The following TERB1 variants were observed in gnomAD, a reference collection of about 807,000 sequenced individuals.
The protein encoded by TERB1 is telomere repeat binding bouquet formation protein 1, also known as telomere repeats-binding bouquet formation protein 1.
TERB1 carries 63 observed loss-of-function variants against 92.3 expected under a neutral mutation model. That is an observed-to-expected ratio of 0.68 (90% CI 0.56 to 0.84). The LOEUF is 0.84. Among genes scored for constraint, TERB1 ranks in the 40% least tolerant of loss-of-function variants. The pLI is 0.00. For missense variants in TERB1, 709 were observed against 843.7 expected, an observed-to-expected ratio of 0.84 and a Z score of 1.98; for synonymous variants, 252 against 283.9, an observed-to-expected ratio of 0.89 and a Z score of 1.13.
At chr16:66,791,604 T>C (rs2018836353) in intron 3 of TERB1, among the ~76,000 whole-genome samples, 1 of 152,006 alleles carries the variant, frequency 6.6e-6, no homozygotes, top group South Asian at 2.1e-4. Context: ...AAGACACAAA[T>C]TACCAATATC....
At chr16:66,780,352 A>C (rs1434016197) in intron 9 of TERB1, among the ~76,000 whole-genome samples, 1 of 151,938 alleles carries the variant, frequency 6.6e-6, no homozygotes, top group African/African-American at 2.4e-5. Flanking sequence ...TTGAATTCAG[A>C]AGTTCAATAT....
intron 13 of TERB1, among the ~76,000 whole-genome samples, chr16:66,770,960 C>G (rs1361526440): frequency 6.6e-6 from 1 of 152,134 alleles, no homozygotes; most frequent in Non-Finnish European, 1.5e-5. Context: ...AAGCAATCCT[C>G]CCACCTCACC....
intron 9 of TERB1, among the ~76,000 whole-genome samples, chr16:66,783,231 A>C (rs2145191197): frequency 6.6e-6 from 1 of 152,318 alleles, no homozygotes; most frequent in South Asian, 2.1e-4. Flanking sequence ...TATTTTGTAG[A>C]GGTCGTTTAT....
chr16:66,795,804 C>A (rs548831352), intron 3 of TERB1, among the ~76,000 whole-genome samples: 1 of 152,188 alleles, frequency 6.6e-6, no homozygotes, highest in South Asian at 2.1e-4. Context: ...CTGTCATCAA[C>A]GCTTAAGTGC....
chr16:66,758,414 C>A, intron 18 of TERB1: 2 of 194,008 alleles, frequency 1.0e-5, no homozygotes, highest in Non-Finnish European at 1.1e-5. Context: ...TGTTCTTTCT[C>A]AGAAATATAT....
intron 9 of TERB1, among the ~76,000 whole-genome samples, chr16:66,784,380 G>A (rs185788216): frequency 6.6e-6 from 1 of 151,712 alleles, no homozygotes; most frequent in East Asian, 1.9e-4. Context: ...TGCTCAAGCT[G>A]GAGTGCAGTG....
In TERB1 at chr16:66,754,918, A is replaced by G; in HGVS notation, c.*58T>C. The G allele has an allele frequency of 1.4e-6, 2 of 1,401,520 alleles. No homozygotes were observed. The highest frequency in any genetic ancestry group is 1.9e-6 in the Non-Finnish European group (2 of 1,034,260). The allele number at this position is 1,401,520 out of a possible 1,614,324, so 86.8% of individuals were successfully genotyped here. On this transcript the variant is annotated 3_prime_UTR_variant, in exon 19 of 19. Coordinates refer to ENST00000433154, the MANE Select transcript of TERB1 (RefSeq NM_001136505.2). ...GAGTTTAGAAAAATACTTTAAATGT[A>G]TCTTTCAAGGCACTGTATTTTAAGA...
chr16:66,789,302 C>CAG (rs1555509450), intron 5 of TERB1, among the ~76,000 whole-genome samples: 1 of 118,324 alleles, frequency 8.5e-6, no homozygotes, highest in African/African-American at 3.7e-5. Context: ...AAAAAAAATT[C>CAG]GGCCGGGCGC....
At chr16:66,762,317 A>C (rs751562245) in intron 16 of TERB1, among the ~76,000 whole-genome samples, 1 of 152,212 alleles carries the variant, frequency 6.6e-6, no homozygotes, top group Non-Finnish European at 1.5e-5. Flanking sequence ...CCTGGAATTT[A>C]CATTAAAGTA....
intron 13 of TERB1, 58 bp from the exon 14 acceptor site, chr16:66,770,367 T>C (rs1274243807): frequency 9.2e-7 from 1 of 1,083,268 alleles, no homozygotes; most frequent in Non-Finnish European, 1.3e-6. Flanking sequence ...ATAATCCAAT[T>C]TATACTTCAT....
intron 3 of TERB1, among the ~76,000 whole-genome samples, chr16:66,793,211 G>GTTTTTTTTTTTTTTTT: frequency 1.1e-5 from 1 of 93,546 alleles, no homozygotes; most frequent in Non-Finnish European, 1.9e-5. Context: ...TTGTGGTTTG[G>GTTTTTTTTTTTTTTTT]TTTTTTTTTT....
At chr16:66,797,447 G>A (rs1959203136) in intron 2 of TERB1, among the ~76,000 whole-genome samples, 1 of 151,660 alleles carries the variant, frequency 6.6e-6, no homozygotes, top group African/African-American at 2.4e-5. Context: ...ATATTGCCCA[G>A]GCTGGTCACA....
rs76444595 is a variant in TERB1 at position 66,780,817 on chromosome 16, C to T, written c.701-1802G>A. Among the ~76,000 whole-genome samples, 443 of 152,252 alleles carry T rather than the reference C, an allele frequency of 2.9e-3. 22 individuals carry two copies. The East Asian group carries it at 0.074, about 25-fold the overall frequency. On this transcript the variant is annotated intron_variant, in intron 9 of 18. Coordinates refer to ENST00000433154, the MANE Select transcript of TERB1 (RefSeq NM_001136505.2). ...AGATAAAGGGACTGTTAGGGTATCA[C>T]GGAAATAGATTCCAATTTTTTTTGA...
Position 66,796,960 on chromosome 16 carries a change from A to T in TERB1, c.-32-130T>A, listed in dbSNP as rs553804200. The T allele has an allele frequency of 6.8e-4, 365 of 539,498 alleles. 1 individual carries two copies. The highest frequency in any genetic ancestry group is 7.7e-4 in the Admixed American group (22 of 28,526). 33.4% of individuals were successfully genotyped at this position (539,498 alleles called of 1,614,324 possible). A position where few individuals can be genotyped will look rare whatever the true frequency, so the allele number is the denominator to read the frequency against. On this transcript the variant is annotated intron_variant, in intron 2 of 18. Coordinates refer to ENST00000433154, the MANE Select transcript of TERB1 (RefSeq NM_001136505.2). Reference sequence around the variant, plus strand: ...AGGAACTACAACTTTTAAAATAATAATTAAACTTAATTAACTTAGTTAATA... The same window carrying T: ...AGGAACTACAACTTTTAAAATAATATTTAAACTTAATTAACTTAGTTAATA...
chr16:66,766,140 G>A (rs1431111599), intron 16 of TERB1, among the ~76,000 whole-genome samples: 1 of 151,884 alleles, frequency 6.6e-6, no homozygotes, highest in African/African-American at 2.4e-5. Context: ...CAAAGTGCTG[G>A]GATTACAGGC....
rs2018108946 is a variant in TERB1 at position 66,754,769 on chromosome 16, TTTC to T, written c.*204_*206del. ...CAAATGTTTGATCTTATGAAGGAAT[TTTC>T]TTACTAATCTGTACACTGATGATAT... On this transcript the variant is annotated 3_prime_UTR_variant, in exon 19 of 19. Transcript: ENST00000433154. The T allele has an allele frequency of 2.1e-6, 1 of 485,930 alleles. No individual in the cohort carries two copies. The highest frequency in any genetic ancestry group is 2.0e-5 in the African/African-American group (1 of 50,028). 30.1% of individuals were successfully genotyped at this position (485,930 alleles called of 1,614,324 possible).
At chr16:66,759,797 C>CAAAAAAAAA (rs762588462) in intron 16 of TERB1, among the ~76,000 whole-genome samples, 1 of 30,776 alleles carries the variant, frequency 3.2e-5, no homozygotes, top group Non-Finnish European at 6.9e-5. Context: ...GACTCTGTCT[C>CAAAAAAAAA]AAAAAAAAAA....
chr16:66,766,737 TACTA>T (rs1292841936), intron 16 of TERB1, among the ~76,000 whole-genome samples: 25 of 152,304 alleles, frequency 1.6e-4, no homozygotes, highest in South Asian at 2.1e-4. Flanking sequence ...AATAAAAAGG[TACTA>T]ACTGTGTTTA....
chr16:66,766,735 G>A (rs1337894659), intron 16 of TERB1, among the ~76,000 whole-genome samples: 2 of 152,118 alleles, frequency 1.3e-5, no homozygotes, highest in Admixed American at 6.6e-5. Context: ...GTAATAAAAA[G>A]GTACTAACTG....
Sources: gnomAD v4.1 joint callset for allele counts (sites outside exome capture counted in the v4.1 genomes callset) on GRCh38, gnomAD v4.1.1 for gene constraint, MANE v1.5 for transcripts, NCBI Gene and HGNC (gene_info 2026-07-23, HGNC 2026-07-21) for gene names.